GRIN3A: variants seen among roughly 807,000 people sequenced by gnomAD.
GRIN3A encodes glutamate ionotropic receptor NMDA type subunit 3A, also known as glutamate receptor ionotropic, NMDA 3A.
In GRIN3A, 47 loss-of-function variants were observed where a neutral mutation model predicts 92.4. That is an observed-to-expected ratio of 0.51 (90% confidence interval 0.40 to 0.65). GRIN3A has a LOEUF of 0.65. GRIN3A is among the 30% of genes least tolerant of loss of function. GRIN3A has a pLI of 0.00. For missense variants in GRIN3A, 1,324 were observed against 1,393.1 expected (o/e 0.95, Z 0.79); for synonymous variants, 527 against 540.6 (o/e 0.97, Z 0.35).
chr9:101,634,550 A>G (rs1317977234), intron 3 of GRIN3A, among the ~76,000 whole-genome samples: 2 of 151,936 alleles, frequency 1.3e-5, no homozygotes, highest in African/African-American at 4.8e-5. Flanking sequence ...AGGAGCTGTG[A>G]TTCGGGGAGA....
intron 6 of GRIN3A, among the ~76,000 whole-genome samples, chr9:101,581,838 A>G (rs1827891197): frequency 6.6e-6 from 1 of 152,228 alleles, no homozygotes; most frequent in Non-Finnish European, 1.5e-5. Context: ...TTTGGTCATC[A>G]TTATCATTTA....
intron 1 of GRIN3A, among the ~76,000 whole-genome samples, chr9:101,708,024 G>A (rs1829832985): frequency 6.6e-6 from 1 of 152,142 alleles, no homozygotes; most frequent in Non-Finnish European, 1.5e-5. Context: ...AAAAAGGTCT[G>A]TGGGGGGTAA....
chr9:101,733,713 T>C (rs1830169205), intron 1 of GRIN3A, among the ~76,000 whole-genome samples: 1 of 152,232 alleles, frequency 6.6e-6, no homozygotes, highest in Non-Finnish European at 1.5e-5. Flanking sequence ...TCCTGTACTG[T>C]CAGAGAAAAT....
chr9:101,603,752 G>A (rs1828239494), intron 6 of GRIN3A, among the ~76,000 whole-genome samples: 1 of 152,226 alleles, frequency 6.6e-6, no homozygotes, highest in Non-Finnish European at 1.5e-5. Context: ...CCTATTAACA[G>A]GGCATACAAT....
chr9:101,732,628 T>G (rs552110243), intron 1 of GRIN3A, among the ~76,000 whole-genome samples: 10 of 152,222 alleles, frequency 6.6e-5, no homozygotes, highest in Admixed American at 2.6e-4. Flanking sequence ...GAGGAAGGTG[T>G]AAGGGGAATG....
intron 6 of GRIN3A, chr9:101,594,762 A>G: frequency 1.2e-6 from 2 of 1,614,072 alleles, no homozygotes; most frequent in Non-Finnish European, 1.7e-6. Context: ...CGCCGCACCA[A>G]CGGGTTGTGG....
chr9:101,686,752 G>C lies in GRIN3A; in HGVS notation c.1148C>G (p.Ser383Cys). 1.9e-6 allele frequency: 3 copies of C among 1,614,158 alleles called. No individual in the cohort carries two copies. Among genetic ancestry groups the C allele is most frequent in the Middle Eastern group, 1.6e-4 (1 of 6,062 alleles). The part of the protein sequence containing the change: ...GLIAHGKTTQ[S>C]VFEHYVQDAM... ...ATCTTGTACGTAGTGCTCAAAGACA[G>C]ACTGTGTTGTTTTTCCATGAGCAAT... is the stretch of plus-strand genomic sequence containing the variant. The change falls in exon 2 of 9, where the codon TCT becomes TGT. Residue 383 changes from serine to cysteine, a missense_variant. Transcript: ENST00000361820.
chr9:101,726,425 C>G (rs1435517438), intron 1 of GRIN3A, among the ~76,000 whole-genome samples: 1 of 152,130 alleles, frequency 6.6e-6, no homozygotes, highest in East Asian at 1.9e-4. Context: ...AGGTGCTACC[C>G]AAACACCTTC....
At chr9:101,693,741 T>C (rs1197069489) in intron 1 of GRIN3A, among the ~76,000 whole-genome samples, 1 of 152,126 alleles carries the variant, frequency 6.6e-6, no homozygotes, top group Admixed American at 6.6e-5. Flanking sequence ...CATCCTCCCA[T>C]ATGTAGCAAT....
At chr9:101,651,805 T>C (rs1169151280) in intron 3 of GRIN3A, among the ~76,000 whole-genome samples, 1 of 151,994 alleles carries the variant, frequency 6.6e-6, no homozygotes, top group Non-Finnish European at 1.5e-5. Context: ...AAAATGGCAA[T>C]AGGCTTTATT....
chr9:101,716,078 C>A (rs1203084625), intron 1 of GRIN3A, among the ~76,000 whole-genome samples: 1 of 152,046 alleles, frequency 6.6e-6, no homozygotes, highest in Non-Finnish European at 1.5e-5. Context: ...TATTTAGCAA[C>A]TTTTTTCGCA....
At chr9:101,701,124 T>C (rs1439834233) in intron 1 of GRIN3A, among the ~76,000 whole-genome samples, 1 of 152,156 alleles carries the variant, frequency 6.6e-6, no homozygotes, top group Non-Finnish European at 1.5e-5. Flanking sequence ...AAATGCTTAT[T>C]TTTTTCACAG....
chr9:101,678,260 G>A (rs184471461), intron 2 of GRIN3A, among the ~76,000 whole-genome samples: 1 of 152,134 alleles, frequency 6.6e-6, no homozygotes, highest in Non-Finnish European at 1.5e-5. Context: ...ATTAAGTCAG[G>A]AAACATTTGC....
At chr9:101,645,699 TA>T (rs1828928777) in intron 3 of GRIN3A, among the ~76,000 whole-genome samples, 1 of 148,000 alleles carries the variant, frequency 6.8e-6, no homozygotes, top group African/African-American at 2.5e-5. Context: ...ATTATATATA[TA>T]AAATATATAT....
At chr9:101,727,857 C>T (rs968108519) in intron 1 of GRIN3A, among the ~76,000 whole-genome samples, 9 of 148,484 alleles carry the variant, frequency 6.1e-5, no homozygotes, top group African/African-American at 2.3e-4. Flanking sequence ...TGTCTGTGGC[C>T]AGGTGAAGGC....
chr9:101,632,074 C>A (rs559951579), intron 3 of GRIN3A, among the ~76,000 whole-genome samples: 54 of 152,350 alleles, frequency 3.5e-4, no homozygotes, highest in African/African-American at 1.2e-3. Context: ...TGCTCTCCCC[C>A]TGGCCTTCCA....
chr9:101,589,057 G>T (rs534511040), intron 6 of GRIN3A, among the ~76,000 whole-genome samples: 1 of 151,912 alleles, frequency 6.6e-6, no homozygotes, highest in Admixed American at 6.6e-5. Context: ...TGCAACCTCC[G>T]CCTTTCTGGT....
intron 6 of GRIN3A, among the ~76,000 whole-genome samples, chr9:101,609,395 T>C (rs1828328776): frequency 6.6e-6 from 1 of 152,186 alleles, no homozygotes; most frequent in East Asian, 1.9e-4. Context: ...CTCTTATTCT[T>C]AGAACAAAAT....
chr9:101,577,549 G>T (rs565256968), intron 8 of GRIN3A, among the ~76,000 whole-genome samples: 21 of 152,294 alleles, frequency 1.4e-4, no homozygotes, highest in African/African-American at 4.6e-4. Flanking sequence ...GATCCAGAGG[G>T]TTGATCCTAG....
Sources: gnomAD v4.1 joint callset for allele counts (sites outside exome capture counted in the v4.1 genomes callset) on GRCh38, gnomAD v4.1.1 for gene constraint, MANE v1.5 for transcripts, NCBI Gene and HGNC (gene_info 2026-07-23, HGNC 2026-07-21) for gene names.